THSD7A: variants seen among roughly 807,000 people sequenced by gnomAD.
THSD7A encodes thrombospondin type 1 domain containing 7A, also known as thrombospondin type-1 domain-containing protein 7A.
Under a neutral mutation model 231.3 loss-of-function variants are expected in THSD7A, and 96 were observed. The observed-to-expected ratio is 0.41, with a 90% CI of 0.35 to 0.49. The LOEUF (loss-of-function observed/expected upper bound fraction) is 0.49. Ranked by LOEUF, THSD7A falls within the 20% of genes least tolerant of loss-of-function variation. The pLI is 0.05. For missense variants in THSD7A, 2,290 were observed against 2,070.2 expected (o/e 1.11, Z -2.06); for synonymous variants, 940 against 743.3 (o/e 1.26, Z -4.30).
At chr7:11,382,152 C>T (rs1441141529) in intron 24 of THSD7A, among the ~76,000 whole-genome samples, 1 of 152,018 alleles carries the variant, frequency 6.6e-6, no homozygotes, top group African/African-American at 2.4e-5. Flanking sequence ...TTTATATTGC[C>T]TTCAAGGCAC....
chr7:11,510,472 A>G (rs956517655), intron 6 of THSD7A, among the ~76,000 whole-genome samples: 4 of 152,198 alleles, frequency 2.6e-5, no homozygotes, highest in African/African-American at 9.6e-5. Flanking sequence ...ACACAGCAAC[A>G]AAAGAGAATT....
At chr7:11,454,599 G>A (rs530728310) in intron 11 of THSD7A, among the ~76,000 whole-genome samples, 2 of 148,154 alleles carry the variant, frequency 1.3e-5, no homozygotes, top group African/African-American at 5.0e-5. Context: ...TGATTATTGT[G>A]TATATACACT....
intron 4 of THSD7A, among the ~76,000 whole-genome samples, chr7:11,566,925 A>C (rs1790353656): frequency 8.0e-6 from 1 of 124,748 alleles, no homozygotes; most frequent in Non-Finnish European, 1.6e-5. Flanking sequence ...TGAGCTGATA[A>C]AACCGCATCT....
intron 1 of THSD7A, among the ~76,000 whole-genome samples, chr7:11,774,193 G>A (rs1783327178): frequency 6.6e-6 from 1 of 152,108 alleles, no homozygotes; most frequent in African/African-American, 2.4e-5. Context: ...TAACAACATA[G>A]ATGAACCTGG....
chr7:11,768,150 A>G (rs1783090237), intron 1 of THSD7A, among the ~76,000 whole-genome samples: 1 of 152,172 alleles, frequency 6.6e-6, no homozygotes. Flanking sequence ...TGGCAGGACT[A>G]TTCAGTATCC....
At chr7:11,656,445 T>A (rs1782710123) in intron 1 of THSD7A, among the ~76,000 whole-genome samples, 1 of 151,862 alleles carries the variant, frequency 6.6e-6, no homozygotes, top group African/African-American at 2.4e-5. Context: ...GTCTCCAGGC[T>A]AACTAGGACA....
intron 24 of THSD7A, among the ~76,000 whole-genome samples, chr7:11,382,038 C>T (rs1384162774): frequency 6.6e-6 from 1 of 152,056 alleles, no homozygotes; most frequent in East Asian, 1.9e-4. Context: ...AGTAGGTCTT[C>T]CCTATTAATT....
chr7:11,700,126 G>T (rs1780540960), intron 1 of THSD7A, among the ~76,000 whole-genome samples: 1 of 151,020 alleles, frequency 6.6e-6, no homozygotes, highest in Non-Finnish European at 1.5e-5. Context: ...CTCTAAAAAC[G>T]ACAAAGCATA....
intron 1 of THSD7A, among the ~76,000 whole-genome samples, chr7:11,643,181 T>C (rs1782152439): frequency 6.6e-6 from 1 of 152,074 alleles, no homozygotes; most frequent in African/African-American, 2.4e-5. Context: ...ATAGTGTGTT[T>C]TCCCCTTCTG....
chr7:11,691,892 GA>G (rs1780243759), intron 1 of THSD7A, among the ~76,000 whole-genome samples: 1 of 151,224 alleles, frequency 6.6e-6, no homozygotes, highest in African/African-American at 2.4e-5. Context: ...CCATTCTCAG[GA>G]AATAATATAT....
chr7:11,560,989 T>C (rs1034740), intron 4 of THSD7A, among the ~76,000 whole-genome samples: 39,999 of 152,082 alleles, frequency 0.26, 5,332 homozygotes, highest in Middle Eastern at 0.4. Flanking sequence ...AGTTATTTAA[T>C]TCTTATAAAA....
At position 11,424,968 on chromosome 7, in the gene THSD7A, A is replaced by G. The variant is rs991342703; in HGVS notation, c.3250-139T>C. ...TTACTGCTTATTATTCTAACATTGC[A>G]ATAGAGAGAACTCAAGAGTTCTAGC... On this transcript the variant is annotated intron_variant, in intron 15 of 27. Transcript: ENST00000423059. The G allele has an allele frequency of 2.7e-5, 29 of 1,064,446 alleles. No homozygotes were observed. In the Admixed American group the frequency reaches 4.4e-4, roughly 16 times the overall value. The allele number at this position is 1,064,446 out of a possible 1,614,324, so 65.9% of individuals were successfully genotyped here. A position where few individuals can be genotyped will look rare whatever the true frequency, so the allele number is the denominator to read the frequency against.
intron 2 of THSD7A, among the ~76,000 whole-genome samples, chr7:11,630,597 T>A (rs548686894): frequency 6.6e-6 from 1 of 152,190 alleles, no homozygotes; most frequent in East Asian, 1.9e-4. Flanking sequence ...CCAACAGAAA[T>A]CTGTTTAAAA....
chr7:11,641,414 G>T (rs1433590595), intron 1 of THSD7A, among the ~76,000 whole-genome samples: 8 of 152,104 alleles, frequency 5.3e-5, no homozygotes, highest in African/African-American at 1.9e-4. Context: ...GGAATAAAGA[G>T]ATTGAATTCA....
intron 1 of THSD7A, among the ~76,000 whole-genome samples, chr7:11,695,536 C>G (rs1342140512): frequency 6.6e-6 from 1 of 151,464 alleles, no homozygotes; most frequent in Non-Finnish European, 1.5e-5. Context: ...TCTAATCTGT[C>G]TTGATTGGGG....
intron 6 of THSD7A, among the ~76,000 whole-genome samples, chr7:11,500,398 C>T (rs1384167050): frequency 1.3e-5 from 2 of 152,062 alleles, no homozygotes; most frequent in Admixed American, 6.6e-5. Flanking sequence ...TATAAAGCAA[C>T]CACACAAACA....
chr7:11,398,172 G>A (rs1006739982), intron 23 of THSD7A, among the ~76,000 whole-genome samples: 2 of 152,172 alleles, frequency 1.3e-5, no homozygotes, highest in Middle Eastern at 3.4e-3. Flanking sequence ...TGAAGAAAAT[G>A]TGGCACGTAT....
chr7:11,735,938 C>G (rs1193645838), intron 1 of THSD7A, among the ~76,000 whole-genome samples: 1 of 151,702 alleles, frequency 6.6e-6, no homozygotes, highest in African/African-American at 2.4e-5. Flanking sequence ...ACTGGATGTA[C>G]TGTACTTAAA....
intron 1 of THSD7A, chr7:11,820,945 GT>G: frequency 2.0e-6 from 2 of 1,022,074 alleles, no homozygotes; most frequent in Non-Finnish European, 3.0e-6. Flanking sequence ...CTCTCCTTAT[GT>G]TTTTTATGAC....
Sources: gnomAD v4.1 joint callset for allele counts (sites outside exome capture counted in the v4.1 genomes callset) on GRCh38, gnomAD v4.1.1 for gene constraint, MANE v1.5 for transcripts, NCBI Gene and HGNC (gene_info 2026-07-23, HGNC 2026-07-21) for gene names.